SNCAIP: variants seen among roughly 807,000 people sequenced by gnomAD.
SNCAIP encodes the protein synuclein alpha interacting protein.
SNCAIP carries 43 observed loss-of-function variants against 86.7 expected under a neutral mutation model. The ratio of observed to expected loss-of-function variants is 0.50; its 90% CI spans 0.39 to 0.64. The LOEUF (loss-of-function observed/expected upper bound fraction) is 0.64, where lower values mean the gene tolerates loss of function less well. Ranked by LOEUF, SNCAIP falls within the 30% of genes least tolerant of loss-of-function variation. SNCAIP has a pLI of 0.00. For missense variants in SNCAIP, 981 were observed against 1,103.1 expected (o/e 0.89, Z 1.57); for synonymous variants, 417 against 427.2 (o/e 0.98, Z 0.29).
At chr5:122,362,351 A>G (rs1305778779) in intron 1 of SNCAIP, among the ~76,000 whole-genome samples, 2 of 152,200 alleles carry the variant, frequency 1.3e-5, no homozygotes, top group African/African-American at 4.8e-5. Context: ...TTGAGGTACA[A>G]AGAAATAGAA....
intron 2 of SNCAIP, among the ~76,000 whole-genome samples, chr5:122,401,927 A>C (rs1049824454): frequency 1.4e-4 from 22 of 152,342 alleles, no homozygotes; most frequent in African/African-American, 5.0e-4. Flanking sequence ...GGGAGATGGC[A>C]GTTAGGAAGC....
At chr5:122,384,174 G>C (rs953622626) in intron 1 of SNCAIP, among the ~76,000 whole-genome samples, 1 of 152,238 alleles carries the variant, frequency 6.6e-6, no homozygotes, top group African/African-American at 2.4e-5. Flanking sequence ...TCCAGGGCAA[G>C]TCAGAAGAGC....
intron 8 of SNCAIP, chr5:122,445,001 C>G (rs1005498569): frequency 1.7e-5 from 8 of 473,338 alleles, no homozygotes; most frequent in African/African-American, 1.6e-4. Context: ...GGCGAGAGAG[C>G]CTCTCTCTGT....
intron 1 of SNCAIP, among the ~76,000 whole-genome samples, chr5:122,347,894 TA>T (rs961229953): frequency 1.3e-5 from 2 of 152,054 alleles, no homozygotes; most frequent in Admixed American, 6.6e-5. Flanking sequence ...ATTTTCTTTT[TA>T]AAAAAAATAA....
chr5:122,353,891 C>A (rs1760448943), intron 1 of SNCAIP, among the ~76,000 whole-genome samples: 1 of 152,124 alleles, frequency 6.6e-6, no homozygotes, highest in Non-Finnish European at 1.5e-5. Context: ...AGGGGTGAGC[C>A]AGTATGAAAA....
chr5:122,331,285 T>C (rs1207002148), intron 1 of SNCAIP, among the ~76,000 whole-genome samples: 3 of 152,198 alleles, frequency 2.0e-5, no homozygotes, highest in Non-Finnish European at 4.4e-5. Flanking sequence ...ACGTGAAATC[T>C]CAAGTTCATT....
intron 1 of SNCAIP, among the ~76,000 whole-genome samples, chr5:122,356,493 C>G (rs956564063): frequency 6.6e-6 from 1 of 152,068 alleles, no homozygotes. Flanking sequence ...ACTAATTGGT[C>G]ACATTTTACT....
At position 122,425,339 on chromosome 5, in the gene SNCAIP, A is replaced by G. The variant is rs771690945; in HGVS notation, c.1003-13A>G. ...TTATTGACTTGGGTTTTCTAATCTT[A>G]CTATTTATACAGCCACACCTAGCTG... On this transcript the variant is annotated splice_polypyrimidine_tract_variant and intron_variant, in intron 4 of 10. Transcript: ENST00000261368. 1.2e-6 allele frequency: 2 copies of G among 1,607,898 alleles called. No individual in the cohort carries two copies. Among genetic ancestry groups the G allele is most frequent in the Admixed American group, 1.7e-5 (1 of 60,010 alleles).
chr5:122,408,676 A>G (rs1190823326), intron 3 of SNCAIP, among the ~76,000 whole-genome samples: 1 of 152,164 alleles, frequency 6.6e-6, no homozygotes, highest in East Asian at 1.9e-4. Flanking sequence ...AGTGCAAGGG[A>G]ATTGGAGATG....
intron 2 of SNCAIP, among the ~76,000 whole-genome samples, chr5:122,397,243 G>A (rs10066795): frequency 0.016 from 2,360 of 152,124 alleles, 43 homozygotes; most frequent in African/African-American, 0.054. Context: ...CATCTGCTGG[G>A]CCCCATGGTC....
At chr5:122,323,912 C>T (rs1753496568) in intron 1 of SNCAIP, among the ~76,000 whole-genome samples, 3 of 152,184 alleles carry the variant, frequency 2.0e-5, no homozygotes, top group Non-Finnish European at 4.4e-5. Flanking sequence ...TGTTGCGTGA[C>T]ACATCGTACA....
At chr5:122,363,304 T>C (rs1193131837) in intron 1 of SNCAIP, among the ~76,000 whole-genome samples, 4 of 152,172 alleles carry the variant, frequency 2.6e-5, no homozygotes, top group African/African-American at 9.7e-5. Context: ...CCTGCTTCTA[T>C]TTTTCTCACT....
At chr5:122,449,980 A>G (rs1783367415) in intron 9 of SNCAIP, 43 bp downstream of exon 9, 1 of 1,318,078 alleles carries the variant, frequency 7.6e-7, no homozygotes, top group African/African-American at 1.4e-5. Flanking sequence ...AAGTATCCTA[A>G]ATTGTTAAGC....
At chr5:122,347,317 T>C (rs1311859071) in intron 1 of SNCAIP, among the ~76,000 whole-genome samples, 1 of 152,086 alleles carries the variant, frequency 6.6e-6, no homozygotes, top group Non-Finnish European at 1.5e-5. Context: ...TCATAACATC[T>C]TTACCACAAA....
intron 6 of SNCAIP, among the ~76,000 whole-genome samples, chr5:122,434,942 CT>C (rs1779093038): frequency 6.6e-6 from 1 of 152,142 alleles, no homozygotes; most frequent in Non-Finnish European, 1.5e-5. Flanking sequence ...GAAAATTCCT[CT>C]CTTGGTTTAT....
intron 2 of SNCAIP, among the ~76,000 whole-genome samples, chr5:122,393,859 A>G (rs988206090): frequency 2.0e-5 from 3 of 152,180 alleles, no homozygotes; most frequent in Admixed American, 6.5e-5. Context: ...CCAGAATCAT[A>G]TTGTTCTAAC....
chr5:122,412,466 T>C (rs1225243979), intron 3 of SNCAIP, among the ~76,000 whole-genome samples: 1 of 152,184 alleles, frequency 6.6e-6, no homozygotes, highest in Admixed American at 6.5e-5. Flanking sequence ...CGGTCACCTC[T>C]CTTGGCTTTG....
At chr5:122,438,512 T>G (rs1017535122) in intron 6 of SNCAIP, among the ~76,000 whole-genome samples, 2 of 152,236 alleles carry the variant, frequency 1.3e-5, no homozygotes, top group African/African-American at 4.8e-5. Context: ...TTGTTTGTAT[T>G]AGTCTTTCTT....
intron 8 of SNCAIP, among the ~76,000 whole-genome samples, chr5:122,448,742 C>T (rs891431235): frequency 1.0e-4 from 14 of 135,940 alleles, no homozygotes; most frequent in Non-Finnish European, 1.2e-4. Flanking sequence ...TATATATATA[C>T]ACACACACAC....
Sources: allele counts gnomAD v4.1 joint callset (sites outside exome capture counted in the v4.1 genomes callset), GRCh38; gene constraint gnomAD v4.1.1; transcripts MANE v1.5; gene names NCBI Gene and HGNC (gene_info 2026-07-23, HGNC 2026-07-21).